Variants in NRXN1 observed in about 807,000 individuals in gnomAD.
The protein encoded by NRXN1 is neurexin 1.
A neutral mutation model predicts 150.9 loss-of-function variants in NRXN1; 39 were observed. That is an observed-to-expected ratio of 0.26 (90% CI 0.20 to 0.34). The LOEUF is 0.34. NRXN1 is among the 10% of genes least tolerant of loss of function. NRXN1 has a pLI of 1.00. For synonymous variants in NRXN1, 924 were observed against 757.0 expected, an observed-to-expected ratio of 1.22 and a Z score of -3.62; for missense variants, 1,815 against 1,949.9, an observed-to-expected ratio of 0.93 and a Z score of 1.30.
At chr2:50,560,715 A>G (rs1668945687) in intron 8 of NRXN1, among the ~76,000 whole-genome samples, 1 of 152,152 alleles carries the variant, frequency 6.6e-6, no homozygotes, top group African/African-American at 2.4e-5. Flanking sequence ...TTTAAAAACA[A>G]TTCTTACCAG....
At chr2:50,816,371 T>G (rs909353436) in intron 5 of NRXN1, among the ~76,000 whole-genome samples, 1 of 152,016 alleles carries the variant, frequency 6.6e-6, no homozygotes, top group African/African-American at 2.4e-5. Context: ...AGCCTTATGC[T>G]GAGAGAATAG....
chr2:50,525,221 T>C (rs1326251012), intron 12 of NRXN1, among the ~76,000 whole-genome samples: 2 of 152,226 alleles, frequency 1.3e-5, no homozygotes, highest in African/African-American at 2.4e-5. Context: ...TTGTTCAATA[T>C]GATTTAAGGT....
chr2:49,963,250 AATGGCTG>A (rs1676320037), intron 21 of NRXN1, among the ~76,000 whole-genome samples: 1 of 152,184 alleles, frequency 6.6e-6, no homozygotes, highest in South Asian at 2.1e-4. Flanking sequence ...GTCGAAAAAT[AATGGCTG>A]GTGACTTAGA....
chr2:50,084,732 G>C (rs190733788), intron 19 of NRXN1, among the ~76,000 whole-genome samples: 1 of 152,156 alleles, frequency 6.6e-6, no homozygotes, highest in Non-Finnish European at 1.5e-5. Context: ...CGAGAGCGAG[G>C]GAGGGCTGCT....
At chr2:49,977,043 C>A (rs960748684) in intron 21 of NRXN1, among the ~76,000 whole-genome samples, 1 of 152,110 alleles carries the variant, frequency 6.6e-6, no homozygotes, top group Non-Finnish European at 1.5e-5. Flanking sequence ...CAAATTTTCA[C>A]GTGTTTCCTC....
At chr2:51,008,553 C>T (rs1291794658) in intron 2 of NRXN1, among the ~76,000 whole-genome samples, 1 of 151,802 alleles carries the variant, frequency 6.6e-6, no homozygotes, top group Non-Finnish European at 1.5e-5. Flanking sequence ...ACAATCATTA[C>T]ACATCAATTC....
rs777640720 is a variant in NRXN1 at position 50,140,906 on chromosome 2, G to GTA, written c.3547-49414_3547-49413dup. Among the ~76,000 whole-genome samples the GTA allele has an allele frequency of 9.3e-4, 140 of 150,640 alleles. 1 individual carries two copies. The highest frequency in any genetic ancestry group is 5.1e-3 in the East Asian group (26 of 5,132). On this transcript the variant is annotated intron_variant, in intron 18 of 22. Transcript: ENST00000401669. The stretch of plus-strand genomic sequence containing the variant: ...CATATATATGTGTTCGTGTGTGTGT[G>GTA]TATATATATATATAAAACAACTACA...
intron 19 of NRXN1, among the ~76,000 whole-genome samples, chr2:50,079,406 C>T (rs1697593033): frequency 6.6e-6 from 1 of 152,048 alleles, no homozygotes; most frequent in African/African-American, 2.4e-5. Flanking sequence ...GCTATAATGG[C>T]AGAATTGAGT....
intron 5 of NRXN1, among the ~76,000 whole-genome samples, chr2:50,753,322 G>T (rs568100116): frequency 6.6e-6 from 1 of 151,894 alleles, no homozygotes; most frequent in Non-Finnish European, 1.5e-5. Context: ...AGAGGAACAG[G>T]TTTTCAGGAA....
chr2:50,682,149 T>G (rs1303490568), intron 5 of NRXN1, among the ~76,000 whole-genome samples: 2 of 152,186 alleles, frequency 1.3e-5, no homozygotes, highest in Non-Finnish European at 2.9e-5. Flanking sequence ...ACACCTGGAT[T>G]AATTAATTTT....
chr2:50,176,314 G>A (rs1376296521), intron 18 of NRXN1, among the ~76,000 whole-genome samples: 1 of 152,100 alleles, frequency 6.6e-6, no homozygotes, highest in Non-Finnish European at 1.5e-5. Flanking sequence ...AAGAAATTTA[G>A]AAAGTTTCCA....
At chr2:50,048,586 C>T (rs1692200926) in intron 21 of NRXN1, among the ~76,000 whole-genome samples, 1 of 152,094 alleles carries the variant, frequency 6.6e-6, no homozygotes. Context: ...ACCTCCAAAG[C>T]CTCCAAGCAA....
chr2:50,383,252 A>T (rs1520450), intron 17 of NRXN1, among the ~76,000 whole-genome samples: 80,789 of 151,822 alleles, frequency 0.53, 22,782 homozygotes, highest in East Asian at 0.8. Context: ...TATTGAATTG[A>T]CCTAGGAAAT....
At chr2:49,942,851 C>G (rs1017043992) in intron 22 of NRXN1, among the ~76,000 whole-genome samples, 8 of 152,146 alleles carry the variant, frequency 5.3e-5, no homozygotes, top group African/African-American at 1.9e-4. Flanking sequence ...CGCAAGTGAT[C>G]TGCCTGACTC....
At chr2:50,633,167 G>C (rs951927752) in intron 5 of NRXN1, among the ~76,000 whole-genome samples, 1 of 152,006 alleles carries the variant, frequency 6.6e-6, no homozygotes, top group Non-Finnish European at 1.5e-5. Context: ...CATGCATTCT[G>C]GATGTAAACT....
At chr2:50,508,165 T>G (rs2092318354) in intron 12 of NRXN1, among the ~76,000 whole-genome samples, 1 of 152,194 alleles carries the variant, frequency 6.6e-6, no homozygotes, top group African/African-American at 2.4e-5. Flanking sequence ...GTTGTATCCT[T>G]GGCTGGTGTA....
intron 8 of NRXN1, among the ~76,000 whole-genome samples, chr2:50,575,350 T>C (rs1003914918): frequency 1.3e-5 from 2 of 152,166 alleles, no homozygotes; most frequent in African/African-American, 2.4e-5. Context: ...GCCCTGGTGC[T>C]GGGCTGCATC....
chr2:50,906,964 T>A (rs1324709311), intron 5 of NRXN1, among the ~76,000 whole-genome samples: 1 of 152,000 alleles, frequency 6.6e-6, no homozygotes, highest in Admixed American at 6.6e-5. Context: ...GACCTTTTCC[T>A]GCCCTCCTCT....
At chr2:50,785,168 A>G (rs1704906994) in intron 5 of NRXN1, among the ~76,000 whole-genome samples, 1 of 151,920 alleles carries the variant, frequency 6.6e-6, no homozygotes, top group South Asian at 2.1e-4. Context: ...AGCCAGGAAA[A>G]GCGGCCTAGC....
Sources: gnomAD v4.1 joint callset for allele counts (sites outside exome capture counted in the v4.1 genomes callset) on GRCh38, gnomAD v4.1.1 for gene constraint, MANE v1.5 for transcripts, NCBI Gene and HGNC (gene_info 2026-07-23, HGNC 2026-07-21) for gene names.